The following GSE1 variants were observed in gnomAD, a reference collection of about 807,000 sequenced individuals.
The protein encoded by GSE1 is genetic suppressor element 1.
A neutral mutation model predicts 112.6 loss-of-function variants in GSE1; 32 were observed. The observed-to-expected ratio is 0.28, with a 90% confidence interval of 0.21 to 0.38. The LOEUF is 0.38. Ranked by LOEUF, GSE1 falls within the 10% of genes least tolerant of loss-of-function variation. GSE1 has a pLI of 1.00. For synonymous variants in GSE1, 1,115 were observed against 735.6 expected (o/e 1.52, Z -8.35); for missense variants, 2,348 against 1,699.2 (o/e 1.38, Z -6.71).
intron 2 of GSE1, among the ~76,000 whole-genome samples, chr16:85,399,118 A>G (rs1407671018): frequency 6.6e-6 from 1 of 152,166 alleles, no homozygotes; most frequent in Non-Finnish European, 1.5e-5. Flanking sequence ...GTGAGGATGC[A>G]TAGGATTGCA....
upstream of GSE1, among the ~76,000 whole-genome samples, chr16:85,551,525 C>T (rs1004892873): frequency 6.6e-6 from 1 of 152,256 alleles, no homozygotes; most frequent in African/African-American, 2.4e-5. Context: ...CTGTGGCAAA[C>T]AACCGGGCCG....
chr16:85,622,165 G>A (rs1008017650), intron 1 of GSE1, among the ~76,000 whole-genome samples: 4 of 152,226 alleles, frequency 2.6e-5, no homozygotes, highest in Non-Finnish European at 5.9e-5. Context: ...TGGTGGCTGG[G>A]TTGGATGAGG....
intron 1 of GSE1, among the ~76,000 whole-genome samples, chr16:85,605,841 A>C (rs1235744887): frequency 6.6e-6 from 1 of 151,906 alleles, no homozygotes; most frequent in Non-Finnish European, 1.5e-5. Context: ...CAGAAGCCTC[A>C]AACAGCAGGC....
chr16:85,637,102 G>GT (rs1429051203), intron 2 of GSE1, among the ~76,000 whole-genome samples: 14 of 152,230 alleles, frequency 9.2e-5, no homozygotes, highest in Non-Finnish European at 1.8e-4. Context: ...TTCCTACACA[G>GT]TTGTGTGACC....
intron 2 of GSE1, among the ~76,000 whole-genome samples, chr16:85,479,295 G>A (rs2050600589): frequency 6.9e-6 from 1 of 143,990 alleles, no homozygotes; most frequent in Admixed American, 7.3e-5. Context: ...GCCTCCCAAA[G>A]TGCTAGGATT....
intron 8 of GSE1, among the ~76,000 whole-genome samples, chr16:85,658,720 G>T (rs554073966): frequency 6.6e-6 from 1 of 152,192 alleles, no homozygotes; most frequent in African/African-American, 2.4e-5. Flanking sequence ...GCTCAGCCTT[G>T]CCTACTACCC....
chr16:85,347,258 A>T (rs889832576), intron 1 of GSE1, among the ~76,000 whole-genome samples: 1 of 152,024 alleles, frequency 6.6e-6, no homozygotes, highest in Non-Finnish European at 1.5e-5. Context: ...GTCCGTGGTG[A>T]GCCGGTCTGA....
chr16:85,628,161 G>C (rs1297547326), intron 1 of GSE1, among the ~76,000 whole-genome samples: 1 of 152,224 alleles, frequency 6.6e-6, no homozygotes, highest in African/African-American at 2.4e-5. Flanking sequence ...GCGCCCGGCT[G>C]CTGCGGCCCC....
chr16:85,349,845 C>G (rs1477738320), intron 1 of GSE1, among the ~76,000 whole-genome samples: 1 of 152,222 alleles, frequency 6.6e-6, no homozygotes, highest in Non-Finnish European at 1.5e-5. Context: ...CTGCCATTCA[C>G]CAGCAGCACA....
intron 1 of GSE1, among the ~76,000 whole-genome samples, chr16:85,257,564 C>T (rs770552616): frequency 5.9e-5 from 9 of 152,230 alleles, no homozygotes; most frequent in Admixed American, 3.9e-4. Context: ...AATGAAATCA[C>T]ATTTAGTCAA....
intron 2 of GSE1, among the ~76,000 whole-genome samples, chr16:85,492,625 C>T (rs1230364621): frequency 6.6e-6 from 1 of 152,196 alleles, no homozygotes; most frequent in African/African-American, 2.4e-5. Flanking sequence ...TCCACAGCTC[C>T]GAAGTGGCAG....
intron 2 of GSE1, among the ~76,000 whole-genome samples, chr16:85,421,252 G>C (rs1351252286): frequency 6.8e-6 from 1 of 147,390 alleles, no homozygotes; most frequent in Non-Finnish European, 1.5e-5. Context: ...GCCCAAGACT[G>C]GGGTCCCTGG....
At position 85,655,831 on chromosome 16, in the gene GSE1, C is replaced by T. The variant is rs780334209; in HGVS notation, c.903C>T (p.Leu301=). The change falls in exon 6 of 16, where the codon CTC becomes CTT. Residue 301 remains leucine, a synonymous_variant. Coordinates refer to ENST00000253458, the MANE Select transcript of GSE1 (RefSeq NM_014615.5). ...PLHPSAMHLH[L]SGVRYPPELS... ...ACCCATCAGCGATGCACCTGCACCTCTCTGGGGTCCGCTACCCTCCCGAGC... is the reference window on the plus strand; with the variant it reads ...ACCCATCAGCGATGCACCTGCACCTTTCTGGGGTCCGCTACCCTCCCGAGC... The T allele has an allele frequency of 2.2e-5, 35 of 1,611,002 alleles. No homozygotes were observed. The Admixed American group carries it at 4.3e-4, about 20-fold the overall frequency.
At chr16:85,579,659 G>A (rs777297127) in intron 1 of GSE1, among the ~76,000 whole-genome samples, 47 of 152,180 alleles carry the variant, frequency 3.1e-4, no homozygotes, top group Non-Finnish European at 6.2e-4. Context: ...GCGGCCTCCC[G>A]TCTCTCTTCC....
intron 2 of GSE1, among the ~76,000 whole-genome samples, chr16:85,520,430 T>A (rs1019687312): frequency 5.0e-5 from 7 of 141,140 alleles, no homozygotes; most frequent in African/African-American, 1.9e-4. Context: ...CTGCTCCTAT[T>A]TTTTTTTTTT....
intron 2 of GSE1, among the ~76,000 whole-genome samples, chr16:85,433,089 G>A (rs1259397586): frequency 2.0e-5 from 3 of 151,964 alleles, no homozygotes; most frequent in African/African-American, 7.3e-5. Context: ...ATGGGGCTCA[G>A]GGGTTCAGGG....
In GSE1 at chr16:85,282,552, G is replaced by T. The variant is rs908204233; in HGVS notation, c.2284-74911G>T. Among the ~76,000 whole-genome samples the T allele has an allele frequency of 2.0e-5, 3 of 152,200 alleles. No homozygotes were observed. In the East Asian group the frequency reaches 5.8e-4, roughly 29 times the overall value. Reference sequence around the variant, plus strand: ...AGAAAGTCAGAGTCGCACAGGATCGGGGAAACGTTCAGGCATCCTGGACTG... The same window carrying T: ...AGAAAGTCAGAGTCGCACAGGATCGTGGAAACGTTCAGGCATCCTGGACTG... On this transcript the variant is annotated intron_variant, in intron 1 of 2. Coordinates refer to the GSE1 transcript ENST00000637419.
chr16:85,366,761 T>G (rs2047193694), intron 2 of GSE1, among the ~76,000 whole-genome samples: 1 of 152,238 alleles, frequency 6.6e-6, no homozygotes, highest in Non-Finnish European at 1.5e-5. Context: ...AGAATTTAAC[T>G]TGGGCAATTG....
chr16:85,625,872 C>T (rs1227864754), intron 1 of GSE1, among the ~76,000 whole-genome samples: 2 of 152,082 alleles, frequency 1.3e-5, no homozygotes, highest in East Asian at 1.9e-4. Context: ...GCTCAGTGAG[C>T]GTGGCAGAGG....
Sources: gnomAD v4.1 joint callset for allele counts (sites outside exome capture counted in the v4.1 genomes callset) on GRCh38, gnomAD v4.1.1 for gene constraint, MANE v1.5 for transcripts, NCBI Gene and HGNC (gene_info 2026-07-23, HGNC 2026-07-21) for gene names.